STAU2: variants seen among roughly 807,000 people sequenced by gnomAD.
STAU2 encodes the protein staufen double-stranded RNA binding protein 2.
Under a neutral mutation model 65.9 loss-of-function variants are expected in STAU2, and 20 were observed. The observed-to-expected ratio is 0.30, with a 90% confidence interval of 0.21 to 0.44. STAU2 has a LOEUF of 0.44. Ranked by LOEUF, STAU2 falls within the 20% of genes least tolerant of loss-of-function variation. STAU2 has a pLI of 1.00. For missense variants in STAU2, 558 were observed against 683.9 expected (o/e 0.82, Z 2.05); for synonymous variants, 232 against 233.9 (o/e 0.99, Z 0.07).
At chr8:73,443,579 G>A (rs1818315647) in intron 13 of STAU2, among the ~76,000 whole-genome samples, 1 of 152,224 alleles carries the variant, frequency 6.6e-6, no homozygotes, top group South Asian at 2.1e-4. Context: ...GTGGCTGGGT[G>A]CAGCGTATCA....
intron 6 of STAU2, among the ~76,000 whole-genome samples, chr8:73,633,566 C>T (rs1004669400): frequency 6.6e-6 from 1 of 152,234 alleles, no homozygotes; most frequent in East Asian, 1.9e-4. Context: ...TAACATTGGG[C>T]ATGATCTGAC....
chr8:73,688,738 C>T lies in STAU2; in HGVS notation c.190G>A (p.Ala64Thr), dbSNP rs998677249. 3.7e-6 allele frequency: 6 copies of T among 1,614,126 alleles called. No homozygotes were observed. Among genetic ancestry groups the T allele is most frequent in the South Asian group, 1.1e-5 (1 of 91,078 alleles). Residue 64 changes from alanine (A) to threonine (T), a missense_variant, in exon 5 of 15, where the codon GCT (alanine) becomes ACT (threonine). Physicochemically the swap from Ala to Thr is moderately conservative, Grantham distance 58. Around this residue, in one of 3 missense-constraint regions of STAU2, gnomAD observed 112 missense variants for 114.2 expected, o/e 0.98. Coordinates refer to ENST00000524300, the MANE Select transcript of STAU2 (RefSeq NM_001164380.2). ...EGSSIKKAQQAVANKALTEST... is the reference protein window; with the variant it reads ...EGSSIKKAQQTVANKALTEST... ...TCAGTCAAAGCTTTATTGGCAACAGCCTGCTGAGCCTTCTTTATACTGCTG... is the reference window on the plus strand; with the variant it reads ...TCAGTCAAAGCTTTATTGGCAACAGTCTGCTGAGCCTTCTTTATACTGCTG...
intron 13 of STAU2, among the ~76,000 whole-genome samples, chr8:73,528,847 C>G (rs1020436561): frequency 5.3e-5 from 8 of 151,970 alleles, no homozygotes; most frequent in Non-Finnish European, 1.2e-4. Flanking sequence ...GCATAATGTC[C>G]ATATATTTTT....
chr8:73,495,230 G>C (rs954362938), intron 13 of STAU2, among the ~76,000 whole-genome samples: 3 of 151,546 alleles, frequency 2.0e-5, no homozygotes, highest in Non-Finnish European at 3.0e-5. Flanking sequence ...TTAGAAGTGA[G>C]TTGGTCTCTC....
chr8:73,640,278 G>GA (rs556577704), intron 6 of STAU2, among the ~76,000 whole-genome samples: 7 of 149,022 alleles, frequency 4.7e-5, no homozygotes, highest in African/African-American at 1.7e-4. Context: ...ACTTCTACCA[G>GA]AAAAAAAAAG....
chr8:73,680,020 T>G (rs13256551), intron 5 of STAU2, among the ~76,000 whole-genome samples: 1 of 119,180 alleles, frequency 8.4e-6, no homozygotes, highest in African/African-American at 3.3e-5. Flanking sequence ...CATCTCACAG[T>G]GGTCCTTGGG....
At chr8:73,654,558 T>C (rs1290651342) in intron 6 of STAU2, among the ~76,000 whole-genome samples, 2 of 135,658 alleles carry the variant, frequency 1.5e-5, no homozygotes, top group Non-Finnish European at 3.0e-5. Flanking sequence ...AAGGATCACT[T>C]GAGACCAGAA....
At chr8:73,719,341 C>G (rs978357186) in intron 3 of STAU2, among the ~76,000 whole-genome samples, 1 of 151,930 alleles carries the variant, frequency 6.6e-6, no homozygotes, top group African/African-American at 2.4e-5. Flanking sequence ...CAAGGGGGAG[C>G]TTTCAGTGAG....
At chr8:73,702,468 A>G (rs759924257) in intron 4 of STAU2, among the ~76,000 whole-genome samples, 14 of 152,154 alleles carry the variant, frequency 9.2e-5, no homozygotes, top group Non-Finnish European at 1.5e-4. Context: ...CATGCAACAT[A>G]CCAAATACGT....
At chr8:73,707,442 G>A (rs914958282) in intron 4 of STAU2, among the ~76,000 whole-genome samples, 1 of 152,100 alleles carries the variant, frequency 6.6e-6, no homozygotes, top group African/African-American at 2.4e-5. Flanking sequence ...CAAGATCACC[G>A]GAGATGTTAA....
intron 13 of STAU2, among the ~76,000 whole-genome samples, chr8:73,507,776 TAC>T (rs1228297214): frequency 1.3e-5 from 2 of 152,338 alleles, no homozygotes; most frequent in Non-Finnish European, 1.5e-5. Flanking sequence ...TTAGTGTAAC[TAC>T]AGTCTTCAAT....
At chr8:73,545,355 G>A (rs576036573) in intron 13 of STAU2, among the ~76,000 whole-genome samples, 12 of 151,778 alleles carry the variant, frequency 7.9e-5, no homozygotes, top group African/African-American at 2.7e-4. Context: ...CTTTTCTTAT[G>A]CTTTTAAAAA....
At chr8:73,500,217 T>G (rs1821663862) in intron 13 of STAU2, among the ~76,000 whole-genome samples, 3 of 151,892 alleles carry the variant, frequency 2.0e-5, no homozygotes. Context: ...CTCAAGTCCT[T>G]TATACAAAAT....
chr8:73,525,269 T>C (rs1333226289), intron 13 of STAU2, among the ~76,000 whole-genome samples: 1 of 152,194 alleles, frequency 6.6e-6, no homozygotes, highest in African/African-American at 2.4e-5. Flanking sequence ...TAATTTATCA[T>C]TGAGTGCAAT....
chr8:73,572,972 G>A (rs1388282752), intron 12 of STAU2, among the ~76,000 whole-genome samples: 1 of 152,202 alleles, frequency 6.6e-6, no homozygotes, highest in Non-Finnish European at 1.5e-5. Flanking sequence ...GTCCCTGTTT[G>A]CAGATGACAT....
intron 13 of STAU2, among the ~76,000 whole-genome samples, chr8:73,470,466 G>A (rs955287044): frequency 3.9e-5 from 6 of 152,128 alleles, no homozygotes; most frequent in Non-Finnish European, 5.9e-5. Context: ...AAGCAAAGTC[G>A]TAGGCTGGGG....
intron 6 of STAU2, among the ~76,000 whole-genome samples, chr8:73,626,029 G>C (rs1223559577): frequency 6.6e-6 from 1 of 151,820 alleles, no homozygotes; most frequent in African/African-American, 2.4e-5. Context: ...AGTTTCTAGA[G>C]ATGGAGGACT....
chr8:73,613,977 A>C, intron 8 of STAU2, 21 bp from the exon 9 acceptor site: 1 of 1,548,376 alleles, frequency 6.5e-7, no homozygotes, highest in South Asian at 1.2e-5. Flanking sequence ...CAAGTAAAAT[A>C]TTAAATAATG....
intron 3 of STAU2, among the ~76,000 whole-genome samples, chr8:73,731,243 T>TG (rs1310978909): frequency 2.0e-5 from 3 of 152,214 alleles, no homozygotes; most frequent in Non-Finnish European, 4.4e-5. Context: ...CATGCTCACT[T>TG]GTTCATGCTC....
Sources: gnomAD v4.1 joint callset for allele counts (sites outside exome capture counted in the v4.1 genomes callset) on GRCh38, gnomAD v4.1.1 for gene constraint, gnomAD v4.1.1 regional missense constraint, MANE v1.5 for transcripts, NCBI Gene and HGNC (gene_info 2026-07-23, HGNC 2026-07-21) for gene names.